Variants in TAFA1 observed in about 807,000 individuals in gnomAD.
TAFA1 encodes TAFA chemokine like family member 1.
TAFA1 carries 4 observed loss-of-function variants against 18.5 expected under a neutral mutation model. The ratio of observed to expected loss-of-function variants is 0.22; its 90% CI spans 0.11 to 0.49. The LOEUF (loss-of-function observed/expected upper bound fraction) is 0.49. Among genes scored for constraint, TAFA1 ranks in the 20% least tolerant of loss-of-function variants. The pLI, the probability that TAFA1 is intolerant of heterozygous loss-of-function variation, is 0.98. For missense variants in TAFA1, 147 were observed against 169.0 expected (o/e 0.87, Z 0.72); for synonymous variants, 56 against 55.2 (o/e 1.01, Z -0.06).
intron 2 of TAFA1, among the ~76,000 whole-genome samples, chr3:68,134,095 A>G (rs7653727): frequency 0.12 from 17,825 of 150,862 alleles, 1,124 homozygotes; most frequent in East Asian, 0.16. Context: ...AATGAGAAAA[A>G]AAAAACAATG....
At chr3:68,272,245 C>T (rs375914951) in intron 2 of TAFA1, among the ~76,000 whole-genome samples, 33 of 152,208 alleles carry the variant, frequency 2.2e-4, no homozygotes, top group Non-Finnish European at 4.1e-4. Context: ...AGGGAGGCAG[C>T]GTAGTAGCAA....
At chr3:68,225,200 A>C (rs2066782835) in intron 2 of TAFA1, among the ~76,000 whole-genome samples, 1 of 151,390 alleles carries the variant, frequency 6.6e-6, no homozygotes, top group African/African-American at 2.4e-5. Flanking sequence ...GAGCCACCAC[A>C]CCTGGCTGGC....
At chr3:68,279,761 C>T (rs764595763) in intron 2 of TAFA1, among the ~76,000 whole-genome samples, 2 of 152,164 alleles carry the variant, frequency 1.3e-5, no homozygotes, top group East Asian at 1.9e-4. Flanking sequence ...TCTTGGGTGG[C>T]GTTCCCAGAT....
At chr3:68,366,630 A>C (rs920449316) in intron 2 of TAFA1, among the ~76,000 whole-genome samples, 2 of 152,222 alleles carry the variant, frequency 1.3e-5, no homozygotes, top group Admixed American at 6.5e-5. Context: ...GCAGGGCTTC[A>C]AAACAGAGGT....
At chr3:68,484,139 A>G (rs937904685) in intron 3 of TAFA1, among the ~76,000 whole-genome samples, 4 of 152,240 alleles carry the variant, frequency 2.6e-5, no homozygotes, top group Non-Finnish European at 5.9e-5. Context: ...CATGTAATCA[A>G]TATAAAAATT....
chr3:68,451,199 C>T (rs980773869), intron 3 of TAFA1, among the ~76,000 whole-genome samples: 4 of 152,148 alleles, frequency 2.6e-5, no homozygotes, highest in African/African-American at 9.7e-5. Context: ...TTACATCTGA[C>T]CACCTCACTC....
chr3:68,371,781 T>C (rs2069711694), intron 2 of TAFA1, among the ~76,000 whole-genome samples: 3 of 152,062 alleles, frequency 2.0e-5, no homozygotes, highest in Non-Finnish European at 4.4e-5. Flanking sequence ...TAAACAAAAG[T>C]GGCCAAGTTG....
chr3:68,155,631 C>A (rs1168021404), intron 2 of TAFA1, among the ~76,000 whole-genome samples: 1 of 152,000 alleles, frequency 6.6e-6, no homozygotes, highest in African/African-American at 2.4e-5. Flanking sequence ...AGCGTCATAG[C>A]CACCCCTTTT....
chr3:68,110,661 C>T (rs1484213356), intron 2 of TAFA1, among the ~76,000 whole-genome samples: 1 of 152,084 alleles, frequency 6.6e-6, no homozygotes, highest in African/African-American at 2.4e-5. Context: ...AGATTGAGAG[C>T]CATCATGCAT....
chr3:68,269,082 C>T (rs900730145), intron 2 of TAFA1, among the ~76,000 whole-genome samples: 155 of 152,220 alleles, frequency 1.0e-3, no homozygotes, highest in Non-Finnish European at 4.6e-4. Context: ...GTCCAAAGAA[C>T]AAACTTTTGC....
At chr3:68,400,135 C>T (rs2106743211) in intron 2 of TAFA1, among the ~76,000 whole-genome samples, 1 of 152,194 alleles carries the variant, frequency 6.6e-6, no homozygotes, top group South Asian at 2.1e-4. Flanking sequence ...GGTCACAATC[C>T]CACTCCTGGA....
intron 2 of TAFA1, among the ~76,000 whole-genome samples, chr3:68,384,802 G>T (rs1401528560): frequency 3.3e-5 from 5 of 151,750 alleles, no homozygotes; most frequent in Admixed American, 1.3e-4. Context: ...GGGAGTCTAA[G>T]TCTCTTCTAA....
intron 2 of TAFA1, among the ~76,000 whole-genome samples, chr3:68,259,555 A>T (rs986746142): frequency 2.6e-3 from 399 of 152,062 alleles, no homozygotes; most frequent in Admixed American, 4.0e-3. Context: ...GATATTGATT[A>T]TTCCTACCCA....
At chr3:68,313,688 C>T (rs2068560151) in intron 2 of TAFA1, among the ~76,000 whole-genome samples, 1 of 152,192 alleles carries the variant, frequency 6.6e-6, no homozygotes, top group Non-Finnish European at 1.5e-5. Context: ...GTATGCACCT[C>T]TCCTGAAAAG....
Position 68,006,681 on chromosome 3 carries a change from G to A in TAFA1, c.55G>A (p.Ala19Thr), listed in dbSNP as rs774496139. The A allele has an allele frequency of 7.0e-5, 113 of 1,613,916 alleles. No individual in the cohort carries two copies. The highest frequency in any genetic ancestry group is 9.3e-5 in the African/African-American group (7 of 74,940). ...CCTGTATTTGTGGATAAGTGCTTGT[G>A]CAATGCTACTCTGCCATGGATCCCT... ...WVLYLWISAC[A>T]MLLCHGSLQH... Residue 19 changes from alanine (A) to threonine (T), a missense_variant, in exon 2 of 5, where the codon GCA becomes ACA. Physicochemically the swap from Ala to Thr is moderately conservative, Grantham distance 58 (BLOSUM62 0). Transcript: ENST00000478136.
chr3:68,062,232 C>T (rs13314479), intron 2 of TAFA1, among the ~76,000 whole-genome samples: 51,983 of 151,810 alleles, frequency 0.34, 9,659 homozygotes, highest in East Asian at 0.49. Flanking sequence ...TCAAGGGCAC[C>T]GCAACAGGGG....
At chr3:67,999,787 TCTTTC>T (rs1704264498), upstream of TAFA1, among the ~76,000 whole-genome samples, 1 of 146,906 alleles carries the variant, frequency 6.8e-6, no homozygotes, top group Admixed American at 6.7e-5. Context: ...CACCCTTATT[TCTTTC>T]CTTTCTTTTT....
At chr3:68,012,993 C>A (rs954563827) in intron 2 of TAFA1, among the ~76,000 whole-genome samples, 3 of 152,114 alleles carry the variant, frequency 2.0e-5, no homozygotes, top group Non-Finnish European at 4.4e-5. Context: ...TGTAAGAAAT[C>A]TGATTTTGTT....
intron 2 of TAFA1, among the ~76,000 whole-genome samples, chr3:68,011,020 C>T (rs867426463): frequency 4.1e-5 from 6 of 147,604 alleles, no homozygotes; most frequent in South Asian, 4.2e-4. Flanking sequence ...AAAGATTGAA[C>T]GGTTTTTGCT....
Sources: gnomAD v4.1 joint callset for allele counts (sites outside exome capture counted in the v4.1 genomes callset) on GRCh38, gnomAD v4.1.1 for gene constraint, MANE v1.5 for transcripts, NCBI Gene and HGNC (gene_info 2026-07-23, HGNC 2026-07-21) for gene names.